The following PSMD13 variants were observed in gnomAD, a reference collection of about 807,000 sequenced individuals.
PSMD13 encodes proteasome 26S subunit, non-ATPase 13, also known as 26S proteasome non-ATPase regulatory subunit 13.
Under a neutral mutation model 57.4 loss-of-function variants are expected in PSMD13, and 8 were observed. That is an observed-to-expected ratio of 0.14 (90% CI 0.08 to 0.25). The LOEUF is 0.25. Ranked by LOEUF, PSMD13 falls within the 10% of genes least tolerant of loss-of-function variation. PSMD13 has a pLI of 1.00. For synonymous variants in PSMD13, 193 were observed against 168.2 expected, an observed-to-expected ratio of 1.15 and a Z score of -1.14; for missense variants, 400 against 461.5, an observed-to-expected ratio of 0.87 and a Z score of 1.22.
chr11:247,199 AGAG>A, intron 6 of PSMD13, 75 bp from the exon 7 acceptor site: 2 of 1,432,518 alleles, frequency 1.4e-6, no homozygotes, highest in Non-Finnish European at 1.9e-6. Flanking sequence ...CCTAGGCAAC[AGAG>A]TGAGACCCTG....
At chr11:246,426 G>A (rs1859648802) in intron 6 of PSMD13, among the ~76,000 whole-genome samples, 1 of 151,290 alleles carries the variant, frequency 6.6e-6, no homozygotes, top group South Asian at 2.1e-4. Flanking sequence ...GCTTCAGCCT[G>A]CAAGGCGGAG....
Position 252,938 on chromosome 11 carries a change from T to C in PSMD13, c.*338T>C, listed in dbSNP as rs1437466101. 4.6e-6 allele frequency: 1 copy of C among 215,866 alleles called. No individual in the cohort carries two copies. Among genetic ancestry groups the C allele is most frequent in the African/African-American group, 2.2e-5 (1 of 44,662 alleles). The allele number at this position is 215,866 out of a possible 1,614,324, so 13.4% of individuals were successfully genotyped here. ...TCCACCTGTACGGACATCTTTTCCG[T>C]TGCGGTTTGAGAATGTTCCTATAAT... On this transcript the variant is annotated 3_prime_UTR_variant, in exon 13 of 13. Transcript: ENST00000532097. This position sits in a 1 kb window ranked among gnomAD's most constrained non-coding sequence, Gnocchi z 4.1.
intron 9 of PSMD13, 43 bp from the exon 10 acceptor site, chr11:250,760 C>G: frequency 6.3e-7 from 1 of 1,580,028 alleles, no homozygotes. Flanking sequence ...AACTGATAAG[C>G]ACAAACATGG....
rs1859794477 is a variant in PSMD13 at position 252,798 on chromosome 11, G to T, written c.*198G>T. On this transcript the variant is annotated 3_prime_UTR_variant, in exon 13 of 13. Transcript: ENST00000532097. This position sits in a 1 kb window ranked among gnomAD's most constrained non-coding sequence, Gnocchi z 4.1. ...CCACAGGGAGGAGGCTTCTTTGTGG[G>T]TCTCTCCTGCAGAGGGTGGGGGTCT... The T allele has an allele frequency of 1.8e-6, 1 of 564,130 alleles. No individual in the cohort carries two copies. Among genetic ancestry groups the T allele is most frequent in the African/African-American group, 1.9e-5 (1 of 53,168 alleles). The allele number at this position is 564,130 out of a possible 1,614,324, so 34.9% of individuals were successfully genotyped here.
rs951606631 is a variant in PSMD13, at chr11:252,687, A to G, written c.*87A>G. The G allele has an allele frequency of 1.6e-6, 2 of 1,281,768 alleles. No individual in the cohort carries two copies. The highest frequency in any genetic ancestry group is 2.2e-6 in the Non-Finnish European group (2 of 888,924). The allele number at this position is 1,281,768 out of a possible 1,614,324, so 79.4% of individuals were successfully genotyped here. ...GAAGCTGGCTGCTCAGACGGTCGAC[A>G]TTGAATTTGGGTGGGGGTTGGGATC... On this transcript the variant is annotated 3_prime_UTR_variant, in exon 13 of 13. Transcript: ENST00000532097. The surrounding 1 kb of genome is among the most constrained non-coding windows in gnomAD (Gnocchi z 4.1).
rs749437879 is a variant in PSMD13, at chr11:248,803, C to T, written c.596C>T (p.Thr199Met). The T allele has an allele frequency of 1.2e-6, 2 of 1,614,190 alleles. No individual in the cohort carries two copies. The highest frequency in any genetic ancestry group is 1.1e-5 in the South Asian group (1 of 91,084). ...TCTGAGCAGCAGGAGAGAGCCTTCA[C>T]GCTGGGGCTAGCAGGACTTCTCGGC... ...PVSEQQERAF[T>M]LGLAGLLGEG... The change falls in exon 8 of 13, where the codon ACG becomes ATG. Residue 199 changes from threonine (T) to methionine (M), a missense_variant. Transcript: ENST00000532097.
At chr11:249,210 G>C (rs1364034667) in intron 9 of PSMD13, among the ~76,000 whole-genome samples, 153 bp downstream of exon 9, 1 of 152,198 alleles carries the variant, frequency 6.6e-6, no homozygotes, top group Non-Finnish European at 1.5e-5. Context: ...AGAGCAGAGA[G>C]TTAAGTGGTT....
chr11:252,666 C>A lies in PSMD13; in HGVS notation c.*66C>A. 2 of 1,460,320 alleles carry A rather than the reference C, an allele frequency of 1.4e-6. No individual in the cohort carries two copies. Among genetic ancestry groups the A allele is most frequent in the Non-Finnish European group, 1.9e-6 (2 of 1,043,074 alleles). The allele number at this position is 1,460,320 out of a possible 1,614,324, so 90.5% of individuals were successfully genotyped here. On this transcript the variant is annotated 3_prime_UTR_variant, in exon 13 of 13. Coordinates refer to ENST00000532097, the MANE Select transcript of PSMD13 (RefSeq NM_002817.4). The surrounding 1 kb of genome is among the most constrained non-coding windows in gnomAD (Gnocchi z 4.1). ...AGAGAGGCGTTTGCAGCCAATGAAG[C>A]TGGCTGCTCAGACGGTCGACATTGA...
At position 249,043 on chromosome 11, in the gene PSMD13, G is replaced by A. The variant is rs145020061; in HGVS notation, c.760G>A (p.Ala254Thr). The A allele has an allele frequency of 6.2e-7, 1 of 1,612,780 alleles. No individual in the cohort carries two copies. The highest frequency in any genetic ancestry group is 1.3e-5 in the African/African-American group (1 of 74,888). Residue 254 changes from alanine (A) to threonine (T), a missense_variant, in exon 9 of 13, where the codon GCC becomes ACC. Ala to Thr is a moderately conservative substitution (Grantham distance 58, BLOSUM62 0). Coordinates refer to ENST00000532097, the MANE Select transcript of PSMD13 (RefSeq NM_002817.4). ...AGAGCGGTTCCAGACTCTGAAGACT[G>A]CCTGGGGCCAGCAGGTAGGACTCCC... ...NVERFQTLKT[A>T]WGQQPDLAAN... is the part of the protein sequence containing the mutation.
At position 252,591 on chromosome 11, in the gene PSMD13, C is replaced by T. The variant is rs761512597; in HGVS notation, c.1122C>T (p.Ile374=). ...EMLVEHQAHD[I]LT is the part of the protein sequence containing the mutation. ...TGGTGGAGCACCAGGCCCATGACAT[C>T]CTCACCTAGGGCCCCCTGGTTCCCC... The change falls in exon 13 of 13, where the codon ATC becomes ATT. Residue 374 remains isoleucine, a synonymous_variant. Transcript: ENST00000532097. The surrounding 1 kb of genome is among the most constrained non-coding windows in gnomAD (Gnocchi z 4.1). 3.7e-6 allele frequency: 6 copies of T among 1,614,134 alleles called. No homozygotes were observed. Among genetic ancestry groups the T allele is most frequent in the Non-Finnish European group, 4.2e-6 (5 of 1,179,994 alleles).
rs766428241 is a variant in PSMD13 at position 244,448 on chromosome 11, T to C, written c.288T>C (p.Phe96=). 1 of 1,610,578 alleles carries C rather than the reference T, an allele frequency of 6.2e-7. No homozygotes were observed. Among genetic ancestry groups the C allele is most frequent in the South Asian group, 1.1e-5 (1 of 90,978 alleles). The change falls in exon 5 of 13, where the codon TTT becomes TTC. Residue 96 remains phenylalanine, a synonymous_variant. Coordinates refer to ENST00000532097, the MANE Select transcript of PSMD13 (RefSeq NM_002817.4). ...CAGATCCTAATGTGGCTCTTACTTT[T>C]CTGGAAAAGACTCGTGAGAAGGTAA... The part of the protein sequence containing the change: ...QMTDPNVALT[F]LEKTREKVKS...
intron 6 of PSMD13, among the ~76,000 whole-genome samples, chr11:245,232 T>C (rs1389598420): frequency 2.0e-5 from 3 of 152,168 alleles, no homozygotes; most frequent in Non-Finnish European, 4.4e-5. Flanking sequence ...CGTGAGCCGC[T>C]GCGCCCAGCC....
intron 9 of PSMD13, 163 bp from the exon 10 acceptor site, chr11:250,640 A>G (rs550137005): frequency 1.7e-6 from 1 of 602,858 alleles, no homozygotes; most frequent in East Asian, 2.9e-5. Context: ...AGCTCAGATC[A>G]CTTGTTGTTA....
chr11:250,653 G>T, intron 9 of PSMD13, 150 bp from the exon 10 acceptor site: 1 of 629,050 alleles, frequency 1.6e-6, no homozygotes, highest in South Asian at 1.8e-5. Context: ...TGTTGTTAAT[G>T]AGCTTCAGCA....
rs1442867497 is a variant in PSMD13, at chr11:239,001, G to A, written c.99G>A (p.Leu33=). The A allele has an allele frequency of 6.2e-7, 1 of 1,614,082 alleles. No individual in the cohort carries two copies. Among genetic ancestry groups the A allele is most frequent in the East Asian group, 2.2e-5 (1 of 44,886 alleles). Residue 33 remains leucine (L), a synonymous_variant, in exon 2 of 13, where the codon TTG becomes TTA. Transcript: ENST00000532097. Reference sequence around the variant, plus strand: ...TTAAGGGCTGTATGTTTTTCAGGTTGTGGCATCAGCTGACACTTCAGGTGC... The same window carrying A: ...TTAAGGGCTGTATGTTTTTCAGGTTATGGCATCAGCTGACACTTCAGGTGC... ...HRLEELYTKK[L]WHQLTLQVLD...
Position 252,209 on chromosome 11 carries a change from G to A in PSMD13, c.1035+273G>A, listed in dbSNP as rs1418619000. On this transcript the variant is annotated intron_variant, in intron 12 of 12. Transcript: ENST00000532097. This position sits in a 1 kb window ranked among gnomAD's most constrained non-coding sequence, Gnocchi z 4.1. The stretch of plus-strand genomic sequence containing the variant: ...TAAGATAGGAGCTCTGATCAGATAC[G>A]TTCCTGGTTCTGTGATTTGAGCTCA... 7.8e-6 allele frequency: 4 copies of A among 515,138 alleles called. No homozygotes were observed. Among genetic ancestry groups the A allele is most frequent in the Admixed American group, 3.3e-5 (1 of 30,502 alleles). 31.9% of individuals were successfully genotyped at this position (515,138 alleles called of 1,614,324 possible).
chr11:248,627 T>C, intron 7 of PSMD13, 149 bp from the exon 8 acceptor site: 1 of 725,678 alleles, frequency 1.4e-6, no homozygotes, highest in Non-Finnish European at 2.3e-6. Context: ...GTCAACCCAA[T>C]ACTTCAGAAG....
At position 252,667 on chromosome 11, in the gene PSMD13, T is replaced by C. The variant is rs1859791198; in HGVS notation, c.*67T>C. Reference sequence around the variant, plus strand: ...GAGAGGCGTTTGCAGCCAATGAAGCTGGCTGCTCAGACGGTCGACATTGAA... The same window carrying C: ...GAGAGGCGTTTGCAGCCAATGAAGCCGGCTGCTCAGACGGTCGACATTGAA... On this transcript the variant is annotated 3_prime_UTR_variant, in exon 13 of 13. Coordinates refer to ENST00000532097, the MANE Select transcript of PSMD13 (RefSeq NM_002817.4). The surrounding 1 kb of genome is among the most constrained non-coding windows in gnomAD (Gnocchi z 4.1). 6.8e-7 allele frequency: 1 copy of C among 1,462,984 alleles called. No homozygotes were observed. Among genetic ancestry groups the C allele is most frequent in the Non-Finnish European group, 9.6e-7 (1 of 1,045,806 alleles). 90.6% of individuals were successfully genotyped at this position (1,462,984 alleles called of 1,614,324 possible). A position where few individuals can be genotyped will look rare whatever the true frequency, so the allele number is the denominator to read the frequency against.
intron 6 of PSMD13, among the ~76,000 whole-genome samples, chr11:245,245 C>G (rs962639276): frequency 2.0e-5 from 3 of 152,100 alleles, no homozygotes; most frequent in African/African-American, 4.8e-5. Context: ...GCCCAGCCCC[C>G]CCGATTGCTA....
Sources: gnomAD v4.1 joint callset for allele counts (sites outside exome capture counted in the v4.1 genomes callset) on GRCh38, gnomAD v4.1.1 for gene constraint, Gnocchi (gnomAD v3.1) non-coding constraint, MANE v1.5 for transcripts, NCBI Gene and HGNC (gene_info 2026-07-23, HGNC 2026-07-21) for gene names.